MAT2B: variants seen among roughly 807,000 people sequenced by gnomAD.
MAT2B encodes methionine adenosyltransferase 2 subunit beta.
A neutral mutation model predicts 36.1 loss-of-function variants in MAT2B; 16 were observed. The observed-to-expected ratio is 0.44, with a 90% CI of 0.30 to 0.67. The LOEUF (loss-of-function observed/expected upper bound fraction) is 0.67, where lower values mean the gene tolerates loss of function less well. Ranked by LOEUF, MAT2B falls within the 30% of genes least tolerant of loss-of-function variation. MAT2B has a pLI of 0.09. For missense variants in MAT2B, 332 were observed against 398.2 expected (o/e 0.83, Z 1.42); for synonymous variants, 148 against 136.9 (o/e 1.08, Z -0.57).
rs142697807 is a variant in MAT2B at position 163,515,603 on chromosome 5, T to G, written c.527-915T>G. The stretch of plus-strand genomic sequence containing the variant: ...TTCTCATTTATGCCAAAAATGTCCT[T>G]TATTGCTTTTATTTTTTAATCTAGC... On this transcript the variant is annotated intron_variant, in intron 4 of 6. Transcript: ENST00000321757. Among the ~76,000 whole-genome samples the G allele has an allele frequency of 3.0e-4, 46 of 152,192 alleles. 1 individual carries two copies. The highest frequency in any genetic ancestry group is 1.0e-3 in the African/African-American group (42 of 41,518).
intron 1 of MAT2B, 151 bp from the exon 2 acceptor site, chr5:163,511,851 C>G (rs573445671): frequency 1.6e-6 from 1 of 639,196 alleles, no homozygotes. Context: ...GATGCCCGAC[C>G]CTAACTTAAC....
At chr5:163,509,643 AT>A (rs1760007750) in intron 1 of MAT2B, among the ~76,000 whole-genome samples, 1 of 152,190 alleles carries the variant, frequency 6.6e-6, no homozygotes, top group Non-Finnish European at 1.5e-5. Context: ...AAGAAACCAA[AT>A]TATCTCTCTT....
At position 163,518,022 on chromosome 5, in the gene MAT2B, G is replaced by A. The variant is rs1224138159; in HGVS notation, c.835-171G>A. On this transcript the variant is annotated intron_variant, in intron 6 of 6. Coordinates refer to ENST00000321757, the MANE Select transcript of MAT2B (RefSeq NM_013283.5). ...AATCCCAACACTTTGGGAGGCTGAC[G>A]CAGGAGGATCCCTTGAGCCCAGGAA... 6 of 533,928 alleles carry A rather than the reference G, an allele frequency of 1.1e-5. No individual in the cohort carries two copies. In the Admixed American group the frequency reaches 1.4e-4, roughly 12 times the overall value. 33.1% of individuals were successfully genotyped at this position (533,928 alleles called of 1,614,324 possible).
At position 163,505,662 on chromosome 5, in the gene MAT2B, A is replaced by T. The variant is rs761436765; in HGVS notation, c.-25A>T. 6.3e-6 allele frequency: 8 copies of T among 1,273,452 alleles called. No homozygotes were observed. The African/African-American group carries it at 1.2e-4, about 19-fold the overall frequency. The allele number at this position is 1,273,452 out of a possible 1,614,324, so 78.9% of individuals were successfully genotyped here. ...GGGTTGGAGGAGGTGGCGGCCGCTG[A>T]GGCTGCGGCGTGAAGACGGCGGGCA... On this transcript the variant is annotated 5_prime_UTR_variant, in exon 1 of 7. Coordinates refer to ENST00000321757, the MANE Select transcript of MAT2B (RefSeq NM_013283.5).
At chr5:163,508,038 C>T (rs1046456993) in intron 1 of MAT2B, among the ~76,000 whole-genome samples, 1 of 152,268 alleles carries the variant, frequency 6.6e-6, no homozygotes, top group Admixed American at 6.5e-5. Context: ...CAATTTGTGG[C>T]AGAACAGATA....
chr5:163,515,773 T>TTTC (rs1301964495), intron 4 of MAT2B, among the ~76,000 whole-genome samples: 1,037 of 76,166 alleles, frequency 0.014, 50 homozygotes, highest in African/African-American at 0.022. Context: ...CCTTTTTCTT[T>TTTC]TTTTTTTTTT....
At chr5:163,507,309 G>A (rs1759963794) in intron 1 of MAT2B, among the ~76,000 whole-genome samples, 1 of 152,142 alleles carries the variant, frequency 6.6e-6, no homozygotes, top group African/African-American at 2.4e-5. Context: ...CATTTGGAAG[G>A]AGCCATGTAT....
At position 163,505,654 on chromosome 5, in the gene MAT2B, G is replaced by T; in HGVS notation, c.-33G>T. On this transcript the variant is annotated 5_prime_UTR_variant, in exon 1 of 7. Coordinates refer to ENST00000321757, the MANE Select transcript of MAT2B (RefSeq NM_013283.5). ...TCGATCCTGGGTTGGAGGAGGTGGC[G>T]GCCGCTGAGGCTGCGGCGTGAAGAC... is the stretch of plus-strand genomic sequence containing the variant. 1 of 1,265,492 alleles carries T rather than the reference G, an allele frequency of 7.9e-7. No homozygotes were observed. The highest frequency in any genetic ancestry group is 1.0e-6 in the Non-Finnish European group (1 of 997,834). 78.4% of individuals were successfully genotyped at this position (1,265,492 alleles called of 1,614,324 possible).
chr5:163,512,230 C>T (rs1760058085), intron 2 of MAT2B, 34 bp downstream of exon 2: 2 of 1,508,538 alleles, frequency 1.3e-6, no homozygotes, highest in Admixed American at 3.3e-5. Flanking sequence ...TATACATGAA[C>T]AATATTAAGA....
At chr5:163,505,580 T>C (rs1391352827), upstream of MAT2B, 1 of 1,246,826 alleles carries the variant, frequency 8.0e-7, no homozygotes, top group Non-Finnish European at 1.0e-6. Context: ...AGCGGGGTCG[T>C]TCTGGGCCTA....
chr5:163,503,145 A>G, upstream of MAT2B: 1 of 443,790 alleles, frequency 2.3e-6, no homozygotes. Context: ...TGGCAATTAA[A>G]CATGAAACTT....
intron 1 of MAT2B, among the ~76,000 whole-genome samples, chr5:163,511,158 A>G (rs1472960572): frequency 6.6e-6 from 1 of 152,228 alleles, no homozygotes; most frequent in African/African-American, 2.4e-5. Flanking sequence ...GGTATTATCA[A>G]TCATAAAAAT....
At chr5:163,517,469 TG>T (rs1211324904) in intron 5 of MAT2B, 91 bp from the exon 6 acceptor site, 2 of 692,540 alleles carry the variant, frequency 2.9e-6, no homozygotes. Context: ...TTTTAGTTCC[TG>T]GACCTTATTT....
upstream of MAT2B, among the ~76,000 whole-genome samples, chr5:163,503,959 G>A (rs1246869686): frequency 3.3e-5 from 5 of 152,112 alleles, no homozygotes; most frequent in East Asian, 1.9e-4. Flanking sequence ...CAACTTTTAC[G>A]GGGAAAGTAT....
At chr5:163,505,816 T>G (rs299299) in intron 1 of MAT2B, 67 bp downstream of exon 1, 190,195 of 1,208,942 alleles carry the variant, frequency 0.16, 15,327 homozygotes, top group Middle Eastern at 0.2. Context: ...CCACCGGGGC[T>G]CGGGCGGCTT....
chr5:163,508,774 A>C (rs116306273), intron 1 of MAT2B, among the ~76,000 whole-genome samples: 2,241 of 152,124 alleles, frequency 0.015, 63 homozygotes, highest in African/African-American at 0.051. Flanking sequence ...ATTACCTAGA[A>C]AAAAATATGA....
At chr5:163,505,545 A>T (rs1218396432), upstream of MAT2B, 1 of 1,242,588 alleles carries the variant, frequency 8.0e-7, no homozygotes, top group Non-Finnish European at 1.0e-6. Flanking sequence ...GGGCGCGGCT[A>T]TGGCAGCGGA....
At chr5:163,503,433 T>A (rs772283499), upstream of MAT2B, 8 of 1,613,240 alleles carry the variant, frequency 5.0e-6, no homozygotes, top group Admixed American at 1.2e-4. Flanking sequence ...AGGTAAGAAC[T>A]AGCAATTCAA....
chr5:163,509,646 A>T (rs542044173), intron 1 of MAT2B, among the ~76,000 whole-genome samples: 5 of 152,262 alleles, frequency 3.3e-5, no homozygotes, highest in Non-Finnish European at 5.9e-5. Flanking sequence ...AAACCAAATT[A>T]TCTCTCTTTT....
Sources: allele counts gnomAD v4.1 joint callset (sites outside exome capture counted in the v4.1 genomes callset), GRCh38; gene constraint gnomAD v4.1.1; transcripts MANE v1.5; gene names NCBI Gene and HGNC (gene_info 2026-07-23, HGNC 2026-07-21).